Variants in TIAM1 observed in about 807,000 individuals in gnomAD.
TIAM1 encodes rho guanine nucleotide exchange factor TIAM1.
A neutral mutation model predicts 163.5 loss-of-function variants in TIAM1; 65 were observed. The observed-to-expected ratio is 0.40, with a 90% confidence interval of 0.33 to 0.49. TIAM1 has a LOEUF of 0.49. TIAM1 is among the 20% of genes least tolerant of loss of function. The pLI is 0.77. For missense variants in TIAM1, 1,789 were observed against 2,044.7 expected (o/e 0.87, Z 2.41); for synonymous variants, 833 against 810.1 (o/e 1.03, Z -0.48).
intron 2 of TIAM1, among the ~76,000 whole-genome samples, chr21:31,439,708 T>C (rs2044351139): frequency 6.6e-6 from 1 of 152,230 alleles, no homozygotes; most frequent in Non-Finnish European, 1.5e-5. Flanking sequence ...AAGCACGCTG[T>C]ACGCCATCAA....
At position 31,366,002 on chromosome 21, in the gene TIAM1, C is replaced by T. The variant is rs1303381831; in HGVS notation, c.-368-26580G>A. ...ACTCAGGAGGCTGAGGCAGGAGAAT[C>T]ACTTAACCCGGGAGGTGGAGGTTGC... On this transcript the variant is annotated intron_variant, in intron 2 of 28. Coordinates refer to the TIAM1 transcript ENST00000286827. Among the ~76,000 whole-genome samples the T allele has an allele frequency of 2.8e-5, 4 of 145,266 alleles. 2 individuals carry two copies. In the East Asian group the frequency reaches 8.3e-4, roughly 30 times the overall value.
chr21:31,315,651 C>T (rs2075092550), intron 2 of TIAM1, among the ~76,000 whole-genome samples: 1 of 128,294 alleles, frequency 7.8e-6, no homozygotes, highest in Admixed American at 8.5e-5. Context: ...ACTCCTCCAG[C>T]CTGGGCAACA....
At chr21:31,558,313 C>A (rs2048963221) in intron 1 of TIAM1, among the ~76,000 whole-genome samples, 1 of 152,108 alleles carries the variant, frequency 6.6e-6, no homozygotes, top group Non-Finnish European at 1.5e-5. Flanking sequence ...CAGGATTCCG[C>A]TTTTAATGCC....
At chr21:31,557,620 A>G (rs1229429774) in intron 1 of TIAM1, among the ~76,000 whole-genome samples, 1 of 152,182 alleles carries the variant, frequency 6.6e-6, no homozygotes. Flanking sequence ...GTATGCGCCA[A>G]GTCAGCGTGC....
intron 4 of TIAM1, among the ~76,000 whole-genome samples, chr21:31,263,891 C>T (rs1362854387): frequency 6.6e-6 from 1 of 152,208 alleles, no homozygotes; most frequent in African/African-American, 2.4e-5. Context: ...TTTCAGGTGA[C>T]TCTTTAATAG....
At chr21:31,245,927 G>A (rs998811908) in intron 5 of TIAM1, among the ~76,000 whole-genome samples, 14 of 152,122 alleles carry the variant, frequency 9.2e-5, no homozygotes, top group Admixed American at 4.6e-4. Context: ...TTGGGTTTTA[G>A]AATGATTCAT....
intron 2 of TIAM1, among the ~76,000 whole-genome samples, chr21:31,332,741 C>T (rs1053787787): frequency 1.3e-5 from 2 of 151,436 alleles, no homozygotes; most frequent in African/African-American, 4.9e-5. Context: ...AAAACACCCA[C>T]ACTCACATTC....
At chr21:31,472,555 G>C (rs1324280788) in intron 1 of TIAM1, among the ~76,000 whole-genome samples, 1 of 152,084 alleles carries the variant, frequency 6.6e-6, no homozygotes, top group Non-Finnish European at 1.5e-5. Flanking sequence ...AATAGTGTCT[G>C]GTGTGCAGCA....
intron 2 of TIAM1, among the ~76,000 whole-genome samples, chr21:31,416,360 G>C (rs1302649393): frequency 2.0e-5 from 3 of 152,124 alleles, no homozygotes; most frequent in Non-Finnish European, 4.4e-5. Flanking sequence ...AGTACAGGTG[G>C]TTTCTGGTTA....
At chr21:31,367,148 G>A (rs1055997911) in intron 2 of TIAM1, among the ~76,000 whole-genome samples, 3 of 152,022 alleles carry the variant, frequency 2.0e-5, no homozygotes, top group African/African-American at 4.8e-5. Flanking sequence ...GAGGGAGGGA[G>A]GGAGGGAGAG....
chr21:31,246,146 T>C (rs1312047873), intron 5 of TIAM1, among the ~76,000 whole-genome samples: 1 of 152,116 alleles, frequency 6.6e-6, no homozygotes, highest in East Asian at 1.9e-4. Flanking sequence ...TAAAACAATA[T>C]ATAATACCAG....
chr21:31,489,380 A>G (rs2046381479), intron 1 of TIAM1, among the ~76,000 whole-genome samples: 1 of 50,264 alleles, frequency 2.0e-5, no homozygotes, highest in Admixed American at 3.0e-4. Context: ...GAGGAGGAGG[A>G]GGAGGAGGAG....
At chr21:31,345,493 T>C (rs551075742), upstream of TIAM1, among the ~76,000 whole-genome samples, 29 of 151,116 alleles carry the variant, frequency 1.9e-4, no homozygotes, top group Non-Finnish European at 4.0e-4. Context: ...GATTCACACA[T>C]ATATATATTC....
chr21:31,263,723 A>G (rs886953703), intron 4 of TIAM1, among the ~76,000 whole-genome samples: 14 of 152,250 alleles, frequency 9.2e-5, no homozygotes, highest in Admixed American at 5.9e-4. Flanking sequence ...CTAACTGAGC[A>G]CTGTTCAGGT....
chr21:31,194,268 T>TA (rs552591259), intron 13 of TIAM1, among the ~76,000 whole-genome samples: 45 of 152,186 alleles, frequency 3.0e-4, no homozygotes, highest in African/African-American at 9.4e-4. Context: ...AATTTGCTAT[T>TA]AAAAAAATCA....
At chr21:31,435,300 A>T (rs1368185287) in intron 2 of TIAM1, among the ~76,000 whole-genome samples, 2 of 152,212 alleles carry the variant, frequency 1.3e-5, no homozygotes, top group Non-Finnish European at 2.9e-5. Flanking sequence ...GGTTTACTTT[A>T]TGCACCCAGG....
intron 1 of TIAM1, among the ~76,000 whole-genome samples, chr21:31,551,352 C>T (rs2048679876): frequency 6.6e-6 from 1 of 151,260 alleles, no homozygotes; most frequent in East Asian, 1.9e-4. Flanking sequence ...AGAGATTGCA[C>T]CAAGCCGCGA....
chr21:31,401,788 G>A (rs1208049605), intron 2 of TIAM1, among the ~76,000 whole-genome samples: 3 of 151,896 alleles, frequency 2.0e-5, no homozygotes, highest in Non-Finnish European at 1.5e-5. Context: ...ATGCACGCCT[G>A]GAACCCTAGC....
chr21:31,514,140 T>C lies in TIAM1; in HGVS notation c.-422+44787A>G, dbSNP rs927052582. Among the ~76,000 whole-genome samples the C allele has an allele frequency of 3.9e-5, 6 of 152,232 alleles. 1 individual carries two copies. Among genetic ancestry groups the C allele is most frequent in the South Asian group, 4.2e-4 (2 of 4,816 alleles). On this transcript the variant is annotated intron_variant, in intron 1 of 28. Coordinates refer to the TIAM1 transcript ENST00000286827. ...TCCTCCTGCCTCATCCCACCCTCAA[T>C]TGTATTTCATGATCTAAGAGGTGAA...
Sources: allele counts gnomAD v4.1 joint callset (sites outside exome capture counted in the v4.1 genomes callset), GRCh38; gene constraint gnomAD v4.1.1; transcripts MANE v1.5; gene names NCBI Gene and HGNC (gene_info 2026-07-23, HGNC 2026-07-21).